Variants in PCDHA10 observed in about 807,000 individuals in gnomAD.
PCDHA10 encodes protocadherin alpha 10, also known as protocadherin alpha-10.
A neutral mutation model predicts 61.2 loss-of-function variants in PCDHA10; 45 were observed. The ratio of observed to expected loss-of-function variants is 0.74; its 90% CI spans 0.58 to 0.94. The LOEUF (loss-of-function observed/expected upper bound fraction) is 0.94. Ranked by LOEUF, PCDHA10 falls within the 40% of genes least tolerant of loss-of-function variation. The probability of loss-of-function intolerance (pLI) is 0.00; values close to 1 mark genes in which losing one functional copy is unlikely to be tolerated. For missense variants in PCDHA10, 1,278 were observed against 1,236.2 expected, an observed-to-expected ratio of 1.03 and a Z score of -0.51; for synonymous variants, 602 against 548.8, an observed-to-expected ratio of 1.10 and a Z score of -1.35.
intron 1 of PCDHA10, among the ~76,000 whole-genome samples, chr5:140,939,879 T>C (rs565550218): frequency 2.0e-5 from 3 of 152,208 alleles, no homozygotes; most frequent in Non-Finnish European, 4.4e-5. Flanking sequence ...CTTTGCTAGT[T>C]GTGTTGTTCA....
intron 1 of PCDHA10, among the ~76,000 whole-genome samples, chr5:140,911,856 T>C (rs1252396387): frequency 6.6e-6 from 1 of 152,184 alleles, no homozygotes; most frequent in Non-Finnish European, 1.5e-5. Context: ...TCCTTAATAG[T>C]CTGTTCTTCT....
chr5:140,875,248 G>A, intron 1 of PCDHA10: 5 of 999,174 alleles, frequency 5.0e-6, no homozygotes, highest in Non-Finnish European at 6.9e-6. Flanking sequence ...TACATAATCA[G>A]TCACATGATG....
Position 140,858,018 on chromosome 5 carries a change from C to T in PCDHA10, c.1970C>T (p.Ser657Leu). 1 of 1,596,908 alleles carries T rather than the reference C, an allele frequency of 6.3e-7. No homozygotes were observed. Among genetic ancestry groups the T allele is most frequent in the Non-Finnish European group, 8.6e-7 (1 of 1,167,132 alleles). ...CTGGTGAAGGACCATGGCGAGCCGT[C>T]GCTGACGGCCACGGCCACTGTGCTT... Reference protein sequence around the residue: ...LVLVKDHGEPSLTATATVLVS... With the variant: ...LVLVKDHGEPLLTATATVLVS... Residue 657 changes from serine (S) to leucine (L), a missense_variant, in exon 1 of 4, where the codon TCG (serine) becomes TTG (leucine). Transcript: ENST00000307360.
chr5:140,967,431 T>G, intron 1 of PCDHA10: 1 of 1,613,498 alleles, frequency 6.2e-7, no homozygotes, highest in Non-Finnish European at 8.5e-7. Flanking sequence ...CAGGCAGCCT[T>G]GCACCACCTG....
At chr5:141,009,476 C>T in intron 3 of PCDHA10, 151 bp from the exon 4 acceptor site, 4 of 1,420,154 alleles carry the variant, frequency 2.8e-6, no homozygotes, top group Non-Finnish European at 2.8e-6. Flanking sequence ...AATAAGTAAA[C>T]ACTTGCCTTG....
intron 1 of PCDHA10, among the ~76,000 whole-genome samples, chr5:140,942,616 T>C (rs2093340049): frequency 1.0e-5 from 1 of 99,878 alleles, no homozygotes. Context: ...TATTTGCCAA[T>C]TGTAAAAAAA....
Position 141,012,299 on chromosome 5 carries a change from A to G in PCDHA10, c.*2362A>G, listed in dbSNP as rs1554263904. 1 of 153,754 alleles carries G rather than the reference A, an allele frequency of 6.5e-6. No homozygotes were observed. Among genetic ancestry groups the G allele is most frequent in the African/African-American group, 2.4e-5 (1 of 41,456 alleles). The allele number at this position is 153,754 out of a possible 1,614,324, so 9.5% of individuals were successfully genotyped here. A position where few individuals can be genotyped will look rare whatever the true frequency, so the allele number is the denominator to read the frequency against. ...TGTGGATTCATTTTGAATTGGTGCT[A>G]TTGGTATTTCCTCTGTTATTGCTAA... On this transcript the variant is annotated 3_prime_UTR_variant, in exon 4 of 4. Transcript: ENST00000307360.
chr5:140,905,158 T>C (rs2071634583), intron 1 of PCDHA10, among the ~76,000 whole-genome samples: 1 of 152,256 alleles, frequency 6.6e-6, no homozygotes, highest in South Asian at 2.1e-4. Context: ...TTTAGAATTT[T>C]CATGGTTTCA....
intron 1 of PCDHA10, chr5:140,884,714 C>A: frequency 1.4e-6 from 2 of 1,471,312 alleles, no homozygotes; most frequent in Non-Finnish European, 9.0e-7. Context: ...GCCTTCCTTG[C>A]AGTTGTTTGT....
At position 140,856,824 on chromosome 5, in the gene PCDHA10, T is replaced by C. The variant is rs1554149171; in HGVS notation, c.776T>C (p.Leu259Ser). ...TATGAAAATCAAGTGAACCAAACATTAGTAATACGGCTCAACGCTTCTGAT... is the reference window on the plus strand; with the variant it reads ...TATGAAAATCAAGTGAACCAAACATCAGTAATACGGCTCAACGCTTCTGAT... ...KMYENQVNQT[L>S]VIRLNASDSD... Residue 259 changes from leucine (L) to serine (S), a missense_variant, in exon 1 of 4, where the codon TTA (leucine) becomes TCA (serine). Transcript: ENST00000307360. 1 of 1,592,156 alleles carries C rather than the reference T, an allele frequency of 6.3e-7. No homozygotes were observed. Among genetic ancestry groups the C allele is most frequent in the Middle Eastern group, 1.7e-4 (1 of 6,000 alleles).
At chr5:140,922,369 G>A (rs534587109) in intron 1 of PCDHA10, among the ~76,000 whole-genome samples, 1 of 152,320 alleles carries the variant, frequency 6.6e-6, no homozygotes, top group East Asian at 1.9e-4. Context: ...TTCTCACTGA[G>A]ATGCAAAACC....
At chr5:140,877,943 T>C in intron 1 of PCDHA10, 1 of 1,363,226 alleles carries the variant, frequency 7.3e-7, no homozygotes, top group Non-Finnish European at 9.6e-7. Context: ...TCCTTTAAAC[T>C]ATCGAATGTC....
At chr5:140,995,548 C>T (rs1554254718) in intron 3 of PCDHA10, among the ~76,000 whole-genome samples, 2 of 152,200 alleles carry the variant, frequency 1.3e-5, no homozygotes, top group Non-Finnish European at 2.9e-5. Context: ...GGGGCGATCA[C>T]TGTACTGAAT....
In PCDHA10 at chr5:140,927,607, C is replaced by G. The variant is rs558609705; in HGVS notation, c.2389-51342C>G. On this transcript the variant is annotated intron_variant, in intron 1 of 3. Transcript: ENST00000307360. ...GCCTGTATTTGAGCGCTCCGTATACCGCACCAAGGTTCCAGAGACTGCACC... is the reference window on the plus strand; with the variant it reads ...GCCTGTATTTGAGCGCTCCGTATACGGCACCAAGGTTCCAGAGACTGCACC... 1.5e-5 allele frequency: 24 copies of G among 1,614,180 alleles called. 1 individual carries two copies. In the South Asian group the frequency reaches 2.6e-4, roughly 18 times the overall value.
intron 1 of PCDHA10, among the ~76,000 whole-genome samples, chr5:140,925,576 A>G (rs1157907719): frequency 2.0e-5 from 3 of 151,872 alleles, no homozygotes; most frequent in African/African-American, 7.3e-5. Flanking sequence ...CAGCACACCA[A>G]CATGGCGCAT....
intron 1 of PCDHA10, among the ~76,000 whole-genome samples, chr5:140,891,739 C>T (rs1433506044): frequency 4.6e-5 from 7 of 152,116 alleles, no homozygotes; most frequent in Non-Finnish European, 2.9e-5. Flanking sequence ...AATTCAATCC[C>T]TTATACAACA....
intron 1 of PCDHA10, among the ~76,000 whole-genome samples, chr5:140,972,728 A>T (rs189687890): frequency 6.8e-6 from 1 of 147,854 alleles, no homozygotes; most frequent in East Asian, 2.0e-4. Context: ...CAGTGGCGTA[A>T]TCCCGGCTCA....
At chr5:140,896,226 T>G (rs1554186874) in intron 1 of PCDHA10, among the ~76,000 whole-genome samples, 1 of 152,242 alleles carries the variant, frequency 6.6e-6, no homozygotes, top group African/African-American at 2.4e-5. Flanking sequence ...GTCTTTATAG[T>G]AGAATGACTT....
At chr5:140,971,370 G>C (rs2096473492) in intron 1 of PCDHA10, among the ~76,000 whole-genome samples, 3 of 152,194 alleles carry the variant, frequency 2.0e-5, no homozygotes, top group African/African-American at 7.2e-5. Flanking sequence ...CCAGGAGAGT[G>C]CATGACTTTA....
Sources: allele counts gnomAD v4.1 joint callset (sites outside exome capture counted in the v4.1 genomes callset), GRCh38; gene constraint gnomAD v4.1.1; transcripts MANE v1.5; gene names NCBI Gene and HGNC (gene_info 2026-07-23, HGNC 2026-07-21).